Variants in LHCGR observed in about 807,000 individuals in gnomAD.
LHCGR encodes lutropin-choriogonadotropic hormone receptor.
LHCGR carries 55 observed loss-of-function variants against 60.7 expected under a neutral mutation model. The observed-to-expected ratio is 0.91, with a 90% CI of 0.73 to 1.13. The LOEUF (loss-of-function observed/expected upper bound fraction) is 1.13. Ranked by LOEUF, LHCGR falls within the 50% of genes most tolerant of loss-of-function variation. The pLI is 0.00. For missense variants in LHCGR, 862 were observed against 836.0 expected (o/e 1.03, Z -0.38); for synonymous variants, 337 against 316.5 (o/e 1.06, Z -0.69).
chr2:48,703,832 A>G (rs1667527116), intron 8 of LHCGR, among the ~76,000 whole-genome samples: 1 of 152,208 alleles, frequency 6.6e-6, no homozygotes, highest in Admixed American at 6.5e-5. Flanking sequence ...GTCATCTGCA[A>G]ACAGAGACAA....
chr2:48,738,566 A>C (rs1669299705), intron 1 of LHCGR, among the ~76,000 whole-genome samples: 1 of 152,166 alleles, frequency 6.6e-6, no homozygotes, highest in Non-Finnish European at 1.5e-5. Flanking sequence ...TCAGCCTGGC[A>C]TTCAAGGCTC....
At chr2:48,689,324 T>C (rs528832679) in intron 10 of LHCGR, among the ~76,000 whole-genome samples, 44 of 152,160 alleles carry the variant, frequency 2.9e-4, no homozygotes, top group African/African-American at 9.4e-4. Flanking sequence ...TAATCCTTTC[T>C]TGGCATTTTC....
At chr2:48,723,856 C>A (rs1308572409) in intron 4 of LHCGR, among the ~76,000 whole-genome samples, 160 bp from the exon 5 acceptor site, 1 of 152,146 alleles carries the variant, frequency 6.6e-6, no homozygotes, top group Non-Finnish European at 1.5e-5. Flanking sequence ...CTACTTTTAG[C>A]TGAGAAAGAT....
chr2:48,737,448 C>T (rs971450798), intron 1 of LHCGR, among the ~76,000 whole-genome samples: 2 of 152,220 alleles, frequency 1.3e-5, no homozygotes, highest in Admixed American at 1.3e-4. Context: ...TCTTGTTCTA[C>T]ACTTAACAGT....
At chr2:48,705,550 C>G (rs530233122) in intron 8 of LHCGR, among the ~76,000 whole-genome samples, 18 of 152,304 alleles carry the variant, frequency 1.2e-4, no homozygotes, top group Non-Finnish European at 2.2e-4. Context: ...TCTCTAAGAA[C>G]TGGCTTTATG....
chr2:48,750,807 TC>T (rs1669923531), intron 1 of LHCGR, among the ~76,000 whole-genome samples: 1 of 152,144 alleles, frequency 6.6e-6, no homozygotes, highest in Non-Finnish European at 1.5e-5. Context: ...GGGAGGAATT[TC>T]CCCCTGCCCC....
Position 48,708,622 on chromosome 2 carries a change from C to T in LHCGR, c.680+326G>A, listed in dbSNP as rs916148711. 16 of 475,166 alleles carry T rather than the reference C, an allele frequency of 3.4e-5. No individual in the cohort carries two copies. In the Admixed American group the frequency reaches 5.3e-4, roughly 16 times the overall value. The allele number at this position is 475,166 out of a possible 1,614,324, so 29.4% of individuals were successfully genotyped here. A position where few individuals can be genotyped will look rare whatever the true frequency, so the allele number is the denominator to read the frequency against. On this transcript the variant is annotated intron_variant, in intron 8 of 10. Coordinates refer to ENST00000294954, the MANE Select transcript of LHCGR (RefSeq NM_000233.4). ...TGTGAAGACTGGAATTATGCTGCCA[C>T]AACCAGAAAGAACTAGCACAAGCTA... is the stretch of plus-strand genomic sequence containing the variant.
At chr2:48,753,521 C>A (rs1258023382) in intron 1 of LHCGR, among the ~76,000 whole-genome samples, 1 of 152,144 alleles carries the variant, frequency 6.6e-6, no homozygotes, top group Non-Finnish European at 1.5e-5. Context: ...GGTGGATGCT[C>A]AGGGTCTCTA....
At chr2:48,714,957 T>C (rs1014848633) in intron 6 of LHCGR, among the ~76,000 whole-genome samples, 3 of 152,194 alleles carry the variant, frequency 2.0e-5, no homozygotes, top group African/African-American at 7.2e-5. Flanking sequence ...GACTAGGATA[T>C]GCTTTGTCTG....
chr2:48,694,387 C>T (rs572344945), intron 9 of LHCGR, 83 bp from the exon 10 acceptor site: 9 of 829,614 alleles, frequency 1.1e-5, no homozygotes, highest in Admixed American at 4.0e-5. Context: ...ATGCTTTGTT[C>T]ATGCAAATTC....
intron 1 of LHCGR, among the ~76,000 whole-genome samples, chr2:48,744,922 G>T (rs1222961950): frequency 6.6e-6 from 1 of 151,934 alleles, no homozygotes; most frequent in Non-Finnish European, 1.5e-5. Context: ...TACAAAATGG[G>T]AGAAAATTTT....
At chr2:48,731,427 A>C in intron 1 of LHCGR, 129 bp from the exon 2 acceptor site, 17 of 674,018 alleles carry the variant, frequency 2.5e-5, no homozygotes, top group Non-Finnish European at 4.6e-5. Flanking sequence ...AACTGGATTC[A>C]GGCTGAGGAT....
At position 48,698,590 on chromosome 2, in the gene LHCGR, G is replaced by A. The variant is rs147917820; in HGVS notation, c.866+25C>T. On this transcript the variant is annotated intron_variant, in intron 9 of 10. Transcript: ENST00000294954. Reference sequence around the variant, plus strand: ...TGAATTTCTGCCACAGCTTGGGTAGGCTTTACCTTTTGGTTTCTACTTACT... The same window carrying A: ...TGAATTTCTGCCACAGCTTGGGTAGACTTTACCTTTTGGTTTCTACTTACT... 0.016 allele frequency: 26,294 copies of A among 1,594,676 alleles called. 268 individuals carry two copies. The highest frequency in any genetic ancestry group is 0.02 in the Non-Finnish European group (22,757 of 1,163,304).
intron 7 of LHCGR, among the ~76,000 whole-genome samples, chr2:48,711,655 G>A (rs1475391926): frequency 6.6e-6 from 1 of 152,014 alleles, no homozygotes; most frequent in Non-Finnish European, 1.5e-5. Context: ...ATACTGTGTT[G>A]GTTTTTCTCC....
intron 1 of LHCGR, among the ~76,000 whole-genome samples, chr2:48,745,815 G>C (rs1235696548): frequency 6.6e-6 from 1 of 151,270 alleles, no homozygotes; most frequent in Non-Finnish European, 1.5e-5. Context: ...CCTGCATGTT[G>C]TGCACATGTA....
At position 48,698,584 on chromosome 2, in the gene LHCGR, G is replaced by A. The variant is rs764248387; in HGVS notation, c.866+31C>T. The A allele has an allele frequency of 1.6e-5, 25 of 1,571,474 alleles. No individual in the cohort carries two copies. In the Admixed American group the frequency reaches 3.5e-4, roughly 22 times the overall value. On this transcript the variant is annotated intron_variant, in intron 9 of 10. Transcript: ENST00000294954. ...GAAATCTGAATTTCTGCCACAGCTTGGGTAGGCTTTACCTTTTGGTTTCTA... is the reference window on the plus strand; with the variant it reads ...GAAATCTGAATTTCTGCCACAGCTTAGGTAGGCTTTACCTTTTGGTTTCTA...
At chr2:48,697,165 C>T (rs1192654961) in intron 9 of LHCGR, among the ~76,000 whole-genome samples, 2 of 152,208 alleles carry the variant, frequency 1.3e-5, no homozygotes, top group Admixed American at 1.3e-4. Context: ...TCTACTGTCT[C>T]TTGCCTTTTT....
rs187073629 is a variant in LHCGR, at chr2:48,691,116, A to G, written c.948-2267T>C. Reference sequence around the variant, plus strand: ...AATTTTTGTGTCAAGGCCATTACATATATGTATTTATAATACATTTTTGTA... The same window carrying G: ...AATTTTTGTGTCAAGGCCATTACATGTATGTATTTATAATACATTTTTGTA... On this transcript the variant is annotated intron_variant, in intron 10 of 10. Coordinates refer to ENST00000294954, the MANE Select transcript of LHCGR (RefSeq NM_000233.4). Among the ~76,000 whole-genome samples, 20 of 152,328 alleles carry G rather than the reference A, an allele frequency of 1.3e-4. No individual in the cohort carries two copies. The East Asian group carries it at 3.7e-3, about 28-fold the overall frequency.
intron 9 of LHCGR, 81 bp downstream of exon 9, chr2:48,698,534 G>T: frequency 1.8e-6 from 2 of 1,118,824 alleles, no homozygotes; most frequent in South Asian, 1.2e-5. Context: ...AAGGGGAGTG[G>T]AGCTGTCTAC....
Sources: allele counts gnomAD v4.1 joint callset (sites outside exome capture counted in the v4.1 genomes callset), GRCh38; gene constraint gnomAD v4.1.1; transcripts MANE v1.5; gene names NCBI Gene and HGNC (gene_info 2026-07-23, HGNC 2026-07-21).